Variants in EXT1 observed in about 807,000 individuals in gnomAD.
EXT1 encodes the protein exostosin-1.
EXT1 carries 20 observed loss-of-function variants against 82.5 expected under a neutral mutation model. The observed-to-expected ratio is 0.24, with a 90% CI of 0.17 to 0.35. The LOEUF (loss-of-function observed/expected upper bound fraction) is 0.35, where lower values mean the gene tolerates loss of function less well. Among genes scored for constraint, EXT1 ranks in the 10% least tolerant of loss-of-function variants. The pLI is 1.00. For synonymous variants in EXT1, 348 were observed against 350.8 expected (o/e 0.99, Z 0.09); for missense variants, 757 against 936.5 (o/e 0.81, Z 2.50).
chr8:117,808,139 T>G (rs1823264628), intron 8 of EXT1, among the ~76,000 whole-genome samples: 1 of 152,226 alleles, frequency 6.6e-6, no homozygotes, highest in Non-Finnish European at 1.5e-5. Context: ...AGTTAGCAAG[T>G]GATCTGTTTT....
At chr8:118,049,956 T>C (rs553185226) in intron 1 of EXT1, among the ~76,000 whole-genome samples, 1 of 152,190 alleles carries the variant, frequency 6.6e-6, no homozygotes, top group Non-Finnish European at 1.5e-5. Context: ...GTTACTCTCA[T>C]GGAGCAATTT....
In EXT1 at chr8:117,798,975, AT is replaced by A. The variant is rs1279330027; in HGVS notation, c.*736del. On this transcript the variant is annotated 3_prime_UTR_variant, in exon 11 of 11. Coordinates refer to ENST00000378204, the MANE Select transcript of EXT1 (RefSeq NM_000127.3). ...GGATAGTTCTTTGTGCAAACTGAACATTTCTTAATTATACTAGTGTTTTCTT... is the reference window on the plus strand; with the variant it reads ...GGATAGTTCTTTGTGCAAACTGAACATTCTTAATTATACTAGTGTTTTCTT... 1 of 152,206 alleles carries A rather than the reference AT, an allele frequency of 6.6e-6. No homozygotes were observed. Among genetic ancestry groups the A allele is most frequent in the African/African-American group, 2.4e-5 (1 of 41,392 alleles). 9.4% of individuals were successfully genotyped at this position (152,206 alleles called of 1,614,324 possible). A position where few individuals can be genotyped will look rare whatever the true frequency, so the allele number is the denominator to read the frequency against.
intron 1 of EXT1, among the ~76,000 whole-genome samples, chr8:118,057,976 A>C (rs897070795): frequency 7.4e-6 from 1 of 135,554 alleles, no homozygotes; most frequent in Non-Finnish European, 1.6e-5. Context: ...ATCTCAAAAG[A>C]AAAAAAAAAA....
At chr8:118,096,627 GAAGGAAGGA>G (rs1563654843) in intron 1 of EXT1, among the ~76,000 whole-genome samples, 3 of 82,518 alleles carry the variant, frequency 3.6e-5, no homozygotes, top group African/African-American at 1.1e-4. Flanking sequence ...AAGGAGGAAG[GAAGGAAGGA>G]AGGAAGGAAG....
Position 118,111,797 on chromosome 8 carries a change from G to C in EXT1, c.-751C>G, listed in dbSNP as rs1260349523. ...CTTCGCAGGCCCCCGCGCGAACGCT[G>C]CCGACCGCCGCGTTCGGTCGCCGAA... On this transcript the variant is annotated 5_prime_UTR_variant, in exon 1 of 11. Transcript: ENST00000378204. 1 of 149,282 alleles carries C rather than the reference G, an allele frequency of 6.7e-6. No individual in the cohort carries two copies. The highest frequency in any genetic ancestry group is 1.5e-5 in the Non-Finnish European group (1 of 66,908). The allele number at this position is 149,282 out of a possible 1,614,324, so 9.2% of individuals were successfully genotyped here.
rs556790175 is a variant in EXT1 at position 118,002,449 on chromosome 8, C to T, written c.962+107636G>A. Among the ~76,000 whole-genome samples, 4 of 148,960 alleles carry T rather than the reference C, an allele frequency of 2.7e-5. No homozygotes were observed. In the South Asian group the frequency reaches 8.5e-4, roughly 32 times the overall value. On this transcript the variant is annotated intron_variant, in intron 1 of 10. Coordinates refer to ENST00000378204, the MANE Select transcript of EXT1 (RefSeq NM_000127.3). ...CTCTTTAATTTCCAACAAGCCCAAG[C>T]CATTAAGAAATGAGATTTACACTGT...
chr8:118,036,022 T>C (rs1439971722), intron 1 of EXT1, among the ~76,000 whole-genome samples: 1 of 152,132 alleles, frequency 6.6e-6, no homozygotes, highest in East Asian at 1.9e-4. Context: ...TAGGCAGTAA[T>C]GACCCATTTT....
At chr8:118,035,120 A>G (rs1469131129) in intron 1 of EXT1, among the ~76,000 whole-genome samples, 1 of 152,174 alleles carries the variant, frequency 6.6e-6, no homozygotes, top group African/African-American at 2.4e-5. Flanking sequence ...GAAAATGGAA[A>G]AGGAATAGAC....
intron 1 of EXT1, among the ~76,000 whole-genome samples, chr8:117,916,272 G>A (rs187299344): frequency 2.6e-5 from 4 of 152,272 alleles, no homozygotes; most frequent in African/African-American, 9.6e-5. Context: ...TGCTGCAAAT[G>A]TTTCCTCCTC....
chr8:117,909,128 T>C (rs1813597270), intron 1 of EXT1, among the ~76,000 whole-genome samples: 1 of 100,154 alleles, frequency 1.0e-5, no homozygotes, highest in African/African-American at 2.6e-5. Flanking sequence ...CGAGACTCTG[T>C]CTCAAAAAAA....
At chr8:117,885,131 C>T (rs762817904) in intron 1 of EXT1, among the ~76,000 whole-genome samples, 1 of 152,138 alleles carries the variant, frequency 6.6e-6, no homozygotes, top group Non-Finnish European at 1.5e-5. Flanking sequence ...GTACAGCCTA[C>T]CTATCAATAT....
chr8:118,021,732 T>A (rs936980502), intron 1 of EXT1, among the ~76,000 whole-genome samples: 3 of 152,206 alleles, frequency 2.0e-5, no homozygotes, highest in African/African-American at 7.2e-5. Flanking sequence ...GGGTTTTGCC[T>A]AAATTTTTCT....
At chr8:117,981,048 T>C (rs992547387) in intron 1 of EXT1, among the ~76,000 whole-genome samples, 5 of 152,200 alleles carry the variant, frequency 3.3e-5, no homozygotes, top group Non-Finnish European at 7.3e-5. Flanking sequence ...ACTGTGCTTA[T>C]AAGCTTCTTG....
chr8:118,096,043 C>T (rs1309179877), intron 1 of EXT1, among the ~76,000 whole-genome samples: 1 of 152,192 alleles, frequency 6.6e-6, no homozygotes. Context: ...CCCTGTGTTA[C>T]TGCATTCTCT....
chr8:118,001,518 T>C (rs968165880), intron 1 of EXT1, among the ~76,000 whole-genome samples: 2 of 152,064 alleles, frequency 1.3e-5, no homozygotes, highest in Non-Finnish European at 2.9e-5. Flanking sequence ...GAACATGCAG[T>C]ATCTACTGGT....
intron 1 of EXT1, among the ~76,000 whole-genome samples, chr8:117,945,261 T>C (rs942691231): frequency 5.9e-5 from 9 of 152,242 alleles, no homozygotes; most frequent in Non-Finnish European, 1.2e-4. Context: ...ACACAGCAAG[T>C]TGGTAAAGCT....
chr8:118,055,546 T>A (rs923034911), intron 1 of EXT1, among the ~76,000 whole-genome samples: 1 of 152,212 alleles, frequency 6.6e-6, no homozygotes, highest in Non-Finnish European at 1.5e-5. Context: ...TTTTCCAGTA[T>A]AAAGAAATGG....
At chr8:117,804,405 A>C (rs186386421) in intron 10 of EXT1, among the ~76,000 whole-genome samples, 1 of 152,308 alleles carries the variant, frequency 6.6e-6, no homozygotes, top group African/African-American at 2.4e-5. Flanking sequence ...CTGTTATTTA[A>C]GTCACCCAGT....
rs115273036 is a variant in EXT1, at chr8:117,833,982, T to C, written c.1164+1462A>G. Among the ~76,000 whole-genome samples, 878 of 152,322 alleles carry C rather than the reference T, an allele frequency of 5.8e-3. 11 individuals are homozygous for C. Among genetic ancestry groups the C allele is most frequent in the African/African-American group, 0.02 (824 of 41,576 alleles). On this transcript the variant is annotated intron_variant, in intron 3 of 10. Coordinates refer to ENST00000378204, the MANE Select transcript of EXT1 (RefSeq NM_000127.3). ...CTTAAGGAATCACAGTGGGAAATCA[T>C]TGGCATAAAAGTGGCCCTTTCACAA... is the stretch of plus-strand genomic sequence containing the variant.
Sources: allele counts gnomAD v4.1 joint callset (sites outside exome capture counted in the v4.1 genomes callset), GRCh38; gene constraint gnomAD v4.1.1; transcripts MANE v1.5; gene names NCBI Gene and HGNC (gene_info 2026-07-23, HGNC 2026-07-21).